Variants in CERS6 observed in about 807,000 individuals in gnomAD.
CERS6 encodes the protein LAG1 homolog, ceramide synthase 6.
CERS6 carries 26 observed loss-of-function variants against 56.8 expected under a neutral mutation model. That is an observed-to-expected ratio of 0.46 (90% confidence interval 0.34 to 0.63). The LOEUF (loss-of-function observed/expected upper bound fraction) is 0.63, where lower values mean the gene tolerates loss of function less well. CERS6 is among the 30% of genes least tolerant of loss of function. The probability of loss-of-function intolerance (pLI) is 0.01; values close to 1 mark genes in which losing one functional copy is unlikely to be tolerated. For missense variants in CERS6, 415 were observed against 467.5 expected (o/e 0.89, Z 1.04); for synonymous variants, 164 against 173.3 (o/e 0.95, Z 0.42).
chr2:168,593,973 T>C (rs1177454895), intron 3 of CERS6, among the ~76,000 whole-genome samples: 3 of 152,258 alleles, frequency 2.0e-5, no homozygotes, highest in South Asian at 2.1e-4. Context: ...TATTGCTACA[T>C]TGGTTTTGGT....
intron 8 of CERS6, among the ~76,000 whole-genome samples, chr2:168,754,152 G>T (rs997608183): frequency 2.6e-5 from 4 of 152,086 alleles, no homozygotes; most frequent in African/African-American, 9.7e-5. Flanking sequence ...AGGCACTATG[G>T]GTCCGTGTCT....
chr2:168,658,420 T>A (rs1305749855), intron 4 of CERS6, among the ~76,000 whole-genome samples: 1 of 152,180 alleles, frequency 6.6e-6, no homozygotes, highest in Non-Finnish European at 1.5e-5. Context: ...TTGTGATTAC[T>A]CCATTATTCT....
intron 8 of CERS6, 46 bp downstream of exon 8, chr2:168,718,024 A>T (rs1365256133): frequency 1.5e-6 from 2 of 1,348,830 alleles, no homozygotes; most frequent in African/African-American, 2.9e-5. Flanking sequence ...CTTTCCAAAT[A>T]AGCTTTCTGA....
At chr2:168,566,947 C>T (rs558414935) in intron 3 of CERS6, among the ~76,000 whole-genome samples, 2 of 152,178 alleles carry the variant, frequency 1.3e-5, no homozygotes, top group South Asian at 2.1e-4. Flanking sequence ...AAATTTACTG[C>T]CAAAATTCTC....
intron 2 of CERS6, among the ~76,000 whole-genome samples, chr2:168,556,991 CAAAAAAAAAAAAAAAAA>C (rs71003046): frequency 2.4e-5 from 2 of 82,320 alleles, no homozygotes; most frequent in Non-Finnish European, 4.7e-5. Context: ...CTTGTCTCTA[CAAAAAAAAAAAAAAAAA>C]AAAAAAAAAA....
At position 168,641,564 on chromosome 2, in the gene CERS6, G is replaced by T. The variant is rs188948747; in HGVS notation, c.465+10522G>T. On this transcript the variant is annotated intron_variant, in intron 4 of 9. Coordinates refer to ENST00000305747, the MANE Select transcript of CERS6 (RefSeq NM_203463.3). Reference sequence around the variant, plus strand: ...CTTTACCTAAAACCTACCGGCCCAGGTTCTTTGTGGATCCCCTCACCATTG... The same window carrying T: ...CTTTACCTAAAACCTACCGGCCCAGTTTCTTTGTGGATCCCCTCACCATTG... Among the ~76,000 whole-genome samples, 11 of 152,172 alleles carry T rather than the reference G, an allele frequency of 7.2e-5. No homozygotes were observed. The East Asian group carries it at 1.9e-3, about 27-fold the overall frequency.
At chr2:168,608,446 T>C (rs1486268533) in intron 3 of CERS6, among the ~76,000 whole-genome samples, 3 of 152,206 alleles carry the variant, frequency 2.0e-5, no homozygotes, top group East Asian at 3.9e-4. Flanking sequence ...AATATGAACA[T>C]GAATATCTAA....
At chr2:168,662,007 T>G (rs1409561689) in intron 4 of CERS6, among the ~76,000 whole-genome samples, 1 of 152,218 alleles carries the variant, frequency 6.6e-6, no homozygotes, top group Non-Finnish European at 1.5e-5. Context: ...AATAAGAGTA[T>G]TCTGTGTTCT....
At chr2:168,596,523 TA>T (rs1309460254) in intron 3 of CERS6, among the ~76,000 whole-genome samples, 1 of 151,462 alleles carries the variant, frequency 6.6e-6, no homozygotes, top group African/African-American at 2.4e-5. Flanking sequence ...CTTCATTCAT[TA>T]AATCATTGTT....
chr2:168,524,573 C>G (rs369646819), intron 1 of CERS6, among the ~76,000 whole-genome samples: 1 of 152,022 alleles, frequency 6.6e-6, no homozygotes, highest in African/African-American at 2.4e-5. Context: ...ATCCGTGTAA[C>G]GAAATGATAA....
intron 1 of CERS6, among the ~76,000 whole-genome samples, chr2:168,502,273 A>G (rs1013235825): frequency 6.6e-6 from 1 of 151,900 alleles, no homozygotes; most frequent in African/African-American, 2.4e-5. Flanking sequence ...GGGGGTTGAA[A>G]GAACAATTTT....
At chr2:168,502,831 CT>C (rs1694608880) in intron 1 of CERS6, among the ~76,000 whole-genome samples, 1 of 152,208 alleles carries the variant, frequency 6.6e-6, no homozygotes. Context: ...ACCACATAGC[CT>C]GCCCAATAGG....
At chr2:168,512,679 T>G in intron 1 of CERS6, among the ~76,000 whole-genome samples, 1 of 143,354 alleles carries the variant, frequency 7.0e-6, no homozygotes, top group Non-Finnish European at 1.6e-5. Flanking sequence ...CTTTTTTTTT[T>G]TTTTTAAAGA....
At chr2:168,481,181 T>C (rs925600502) in intron 1 of CERS6, among the ~76,000 whole-genome samples, 2 of 152,144 alleles carry the variant, frequency 1.3e-5, no homozygotes, top group Non-Finnish European at 2.9e-5. Context: ...TTTGGGAGGC[T>C]GAGGTGGGCG....
intron 6 of CERS6, among the ~76,000 whole-genome samples, chr2:168,702,904 AAAC>A (rs1238441882): frequency 1.3e-5 from 2 of 152,218 alleles, no homozygotes; most frequent in South Asian, 4.1e-4. Context: ...ACTTCAACCC[AAAC>A]AACATCTGGC....
At chr2:168,653,256 A>T (rs1012871664) in intron 4 of CERS6, among the ~76,000 whole-genome samples, 1 of 152,186 alleles carries the variant, frequency 6.6e-6, no homozygotes, top group African/African-American at 2.4e-5. Flanking sequence ...AAGGGAAGAG[A>T]TTTAAACTCA....
At chr2:168,501,922 C>T (rs1217715537) in intron 1 of CERS6, among the ~76,000 whole-genome samples, 1 of 152,192 alleles carries the variant, frequency 6.6e-6, no homozygotes, top group Non-Finnish European at 1.5e-5. Context: ...AAAGCTGCAA[C>T]CCAGTGAGAA....
At chr2:168,645,980 A>G (rs7609235) in intron 4 of CERS6, among the ~76,000 whole-genome samples, 49,271 of 151,832 alleles carry the variant, frequency 0.32, 9,813 homozygotes, top group African/African-American at 0.55. Flanking sequence ...TTGCTATTGC[A>G]AATAGGGCTG....
At chr2:168,681,751 A>G (rs557750621) in intron 4 of CERS6, among the ~76,000 whole-genome samples, 26 of 152,096 alleles carry the variant, frequency 1.7e-4, no homozygotes, top group South Asian at 8.3e-4. Context: ...CTTTCTAGCT[A>G]TATTTTGTAT....
Sources: gnomAD v4.1 joint callset for allele counts (sites outside exome capture counted in the v4.1 genomes callset) on GRCh38, gnomAD v4.1.1 for gene constraint, MANE v1.5 for transcripts, NCBI Gene and HGNC (gene_info 2026-07-23, HGNC 2026-07-21) for gene names.